Variants in DSCAML1 observed in about 807,000 individuals in gnomAD.
DSCAML1 encodes cell adhesion molecule DSCAML1.
In DSCAML1, 38 loss-of-function variants were observed where a neutral mutation model predicts 200.5. That is an observed-to-expected ratio of 0.19 (90% confidence interval 0.15 to 0.25). DSCAML1 has a LOEUF of 0.25. Among genes scored for constraint, DSCAML1 ranks in the 10% least tolerant of loss-of-function variants. The probability of loss-of-function intolerance (pLI) is 1.00; values close to 1 mark genes in which losing one functional copy is unlikely to be tolerated. For missense variants in DSCAML1, 2,223 were observed against 2,858.8 expected, an observed-to-expected ratio of 0.78 and a Z score of 5.07; for synonymous variants, 1,215 against 1,165.0, an observed-to-expected ratio of 1.04 and a Z score of -0.87.
At chr11:117,810,051 A>C (rs1229724322) in intron 1 of DSCAML1, among the ~76,000 whole-genome samples, 2 of 150,854 alleles carry the variant, frequency 1.3e-5, no homozygotes, top group Non-Finnish European at 2.9e-5. Flanking sequence ...ATTCACACTC[A>C]CACACATTCA....
chr11:117,672,643 C>T (rs909446396), intron 3 of DSCAML1, among the ~76,000 whole-genome samples: 2 of 152,190 alleles, frequency 1.3e-5, no homozygotes, highest in African/African-American at 4.8e-5. Context: ...ACATGGCATA[C>T]GTGTTCCGCT....
intron 3 of DSCAML1, among the ~76,000 whole-genome samples, chr11:117,651,443 C>T (rs945234646): frequency 6.6e-6 from 1 of 152,048 alleles, no homozygotes; most frequent in Non-Finnish European, 1.5e-5. Flanking sequence ...CGGTGGCTCA[C>T]GCCTGTAATC....
chr11:117,635,465 T>C (rs1369491023), intron 3 of DSCAML1, among the ~76,000 whole-genome samples: 2 of 151,828 alleles, frequency 1.3e-5, no homozygotes, highest in Non-Finnish European at 2.9e-5. Flanking sequence ...TGTGTGTGTG[T>C]GTGTGTGTGC....
intron 3 of DSCAML1, among the ~76,000 whole-genome samples, chr11:117,699,805 T>C (rs895207824): frequency 6.6e-6 from 1 of 152,224 alleles, no homozygotes; most frequent in African/African-American, 2.4e-5. Flanking sequence ...ATCTGCTTCT[T>C]AGAGGACCCA....
At chr11:117,595,089 C>CACA (rs375717572) in intron 3 of DSCAML1, among the ~76,000 whole-genome samples, 1 of 151,388 alleles carries the variant, frequency 6.6e-6, no homozygotes, top group African/African-American at 2.4e-5. Context: ...CACACACACA[C>CACA]CCTTTGATAT....
chr11:117,674,644 A>T (rs79620014), intron 3 of DSCAML1, among the ~76,000 whole-genome samples: 1 of 152,088 alleles, frequency 6.6e-6, no homozygotes, highest in African/African-American at 2.4e-5. Flanking sequence ...TCCATGAGGC[A>T]CCCGACTAAG....
chr11:117,665,441 G>A (rs950040065), intron 3 of DSCAML1, among the ~76,000 whole-genome samples: 1 of 152,194 alleles, frequency 6.6e-6, no homozygotes, highest in African/African-American at 2.4e-5. Context: ...TCTAAGAGCC[G>A]AGTGCGTACT....
At chr11:117,656,232 C>T (rs571598215) in intron 3 of DSCAML1, among the ~76,000 whole-genome samples, 3 of 152,326 alleles carry the variant, frequency 2.0e-5, no homozygotes, top group Non-Finnish European at 2.9e-5. Flanking sequence ...AGCAAGACTC[C>T]GTCTTGGGTG....
At chr11:117,511,498 C>G (rs2049617012) in intron 8 of DSCAML1, among the ~76,000 whole-genome samples, 1 of 152,180 alleles carries the variant, frequency 6.6e-6, no homozygotes, top group South Asian at 2.1e-4. Flanking sequence ...GCCCTAAAGT[C>G]ACCAAATCTA....
chr11:117,590,286 T>A (rs2051234356), intron 3 of DSCAML1, among the ~76,000 whole-genome samples: 1 of 151,590 alleles, frequency 6.6e-6, no homozygotes, highest in Admixed American at 6.6e-5. Context: ...CTTCCTGGGC[T>A]CAAACAATCC....
intron 3 of DSCAML1, among the ~76,000 whole-genome samples, chr11:117,745,852 T>TA (rs1306529529): frequency 6.6e-6 from 1 of 152,138 alleles, no homozygotes; most frequent in Non-Finnish European, 1.5e-5. Context: ...GAGATAATAA[T>TA]AGCATCTTCC....
intron 29 of DSCAML1, among the ~76,000 whole-genome samples, chr11:117,432,874 G>A (rs745383821): frequency 3.9e-5 from 6 of 151,920 alleles, no homozygotes; most frequent in Admixed American, 1.3e-4. Context: ...GCCTCCCGAA[G>A]TGCTGGGATA....
rs947290064 is a variant in DSCAML1, at chr11:117,448,063, C to T, written c.3708+2486G>A. Among the ~76,000 whole-genome samples the T allele has an allele frequency of 7.2e-5, 11 of 152,268 alleles. No homozygotes were observed. The South Asian group carries it at 8.3e-4, about 11-fold the overall frequency. ...TGTGTGATACTGTCTGATGGCAAAT[C>T]GCAAGACATGAAGAAGATGGAGGGA... On this transcript the variant is annotated intron_variant, in intron 20 of 32. Transcript: ENST00000651296.
At chr11:117,688,067 T>A (rs1415597407) in intron 3 of DSCAML1, among the ~76,000 whole-genome samples, 1 of 151,668 alleles carries the variant, frequency 6.6e-6, no homozygotes, top group Non-Finnish European at 1.5e-5. Context: ...GAAGCGCTCA[T>A]TCAGATGATG....
chr11:117,515,539 C>A (rs193138212), intron 8 of DSCAML1, among the ~76,000 whole-genome samples: 2 of 149,632 alleles, frequency 1.3e-5, no homozygotes, highest in Non-Finnish European at 3.0e-5. Context: ...ACTTAGTGAG[C>A]GGCTACCCAG....
At position 117,665,013 on chromosome 11, in the gene DSCAML1, TGCCATGCTTGTTGGTA is replaced by T. The variant is rs111247124; in HGVS notation, c.511+111762_511+111777del. On this transcript the variant is annotated intron_variant, in intron 3 of 32. Transcript: ENST00000651296. Reference sequence around the variant, plus strand: ...CCTTTCCTTCTTGTTTCTCTCACTTTGCCATGCTTGTTGGTAGCCAGGCCAAGCCCCGCCCATCTCA... The same window carrying T: ...CCTTTCCTTCTTGTTTCTCTCACTTTGCCAGGCCAAGCCCCGCCCATCTCA... 5.1e-3 allele frequency among the ~76,000 whole-genome samples: 769 copies of T among 152,254 alleles called. 9 individuals are homozygous for T. The highest frequency in any genetic ancestry group is 0.018 in the African/African-American group (731 of 41,538).
chr11:117,493,654 G>T (rs190227814), intron 11 of DSCAML1, among the ~76,000 whole-genome samples: 436 of 149,924 alleles, frequency 2.9e-3, no homozygotes, highest in Non-Finnish European at 5.0e-3. Flanking sequence ...TTGAGACAAG[G>T]TCTCACTCTG....
upstream of DSCAML1, among the ~76,000 whole-genome samples, chr11:117,799,120 C>T (rs992601591): frequency 2.0e-5 from 3 of 152,174 alleles, no homozygotes; most frequent in African/African-American, 7.2e-5. Flanking sequence ...CTCACGTTTC[C>T]AGTCTTCTGT....
rs576236597 is a variant in DSCAML1 at position 117,813,153 on chromosome 11, C to T, written c.-250+4237G>A. 3.8e-3 allele frequency among the ~76,000 whole-genome samples: 581 copies of T among 152,260 alleles called. 1 individual carries two copies. The highest frequency in any genetic ancestry group is 0.013 in the African/African-American group (538 of 41,542). On this transcript the variant is annotated intron_variant, in intron 1 of 2. Coordinates refer to the DSCAML1 transcript ENST00000525836. The stretch of plus-strand genomic sequence containing the variant: ...AACACACCTCACCAAGCTCAGCCAC[C>T]AACTTAAAAAGGACTGGACAATACT...
Sources: allele counts gnomAD v4.1 joint callset (sites outside exome capture counted in the v4.1 genomes callset), GRCh38; gene constraint gnomAD v4.1.1; transcripts MANE v1.5; gene names NCBI Gene and HGNC (gene_info 2026-07-23, HGNC 2026-07-21).